Variants in TRPV2 observed in about 807,000 individuals in gnomAD.
TRPV2 encodes the protein OTRPC2.
A neutral mutation model predicts 91.0 loss-of-function variants in TRPV2; 58 were observed. That is an observed-to-expected ratio of 0.64 (90% confidence interval 0.52 to 0.79). The LOEUF is 0.79. TRPV2 is among the 30% of genes least tolerant of loss of function. The pLI, the probability that TRPV2 is intolerant of heterozygous loss-of-function variation, is 0.00. For synonymous variants in TRPV2, 417 were observed against 414.8 expected, an observed-to-expected ratio of 1.01 and a Z score of -0.06; for missense variants, 807 against 969.6, an observed-to-expected ratio of 0.83 and a Z score of 2.23.
rs1318296832 is a variant in TRPV2 at position 16,432,255 on chromosome 17, C to T, written c.1944C>T (p.Thr648=). ...TGCTCATCGCCCTCATGAGCGAGACCGTCAACAGTGTCGCCACTGACAGCT... is the reference window on the plus strand; with the variant it reads ...TGCTCATCGCCCTCATGAGCGAGACTGTCAACAGTGTCGCCACTGACAGCT... The part of the protein sequence containing the change: ...LNMLIALMSE[T]VNSVATDSWS... The change falls in exon 12 of 15, where the codon ACC becomes ACT. Residue 648 remains threonine, a synonymous_variant. Coordinates refer to ENST00000338560, the MANE Select transcript of TRPV2 (RefSeq NM_016113.5). 1.6e-5 allele frequency: 25 copies of T among 1,612,196 alleles called. No individual in the cohort carries two copies. The highest frequency in any genetic ancestry group is 1.6e-4 in the Middle Eastern group (1 of 6,078).
intron 7 of TRPV2, 86 bp from the exon 8 acceptor site, chr17:16,427,363 A>T (rs2093388213): frequency 4.0e-5 from 52 of 1,312,916 alleles, no homozygotes; most frequent in Non-Finnish European, 5.4e-5. Flanking sequence ...GCTCAGGCTC[A>T]GAGTAGGCCC....
At chr17:16,424,815 A>G (rs2093375335) in intron 5 of TRPV2, among the ~76,000 whole-genome samples, 5 of 151,378 alleles carry the variant, frequency 3.3e-5, no homozygotes, top group South Asian at 2.1e-4. Context: ...AAAAATTTTT[A>G]TAATCTGCAA....
At chr17:16,432,439 C>T (rs1186553432) in intron 12 of TRPV2, 139 bp downstream of exon 12, 8 of 535,144 alleles carry the variant, frequency 1.5e-5, no homozygotes, top group Admixed American at 3.6e-5. Context: ...CTTCCTCTTC[C>T]TTTTTTTTTT....
intron 10 of TRPV2, among the ~76,000 whole-genome samples, chr17:16,431,301 T>A (rs1478757302): frequency 0.029 from 3,501 of 120,660 alleles, 152 homozygotes; most frequent in Non-Finnish European, 0.036. Flanking sequence ...ATTTTTTTTT[T>A]TTTTTTTTTT....
Position 16,436,926 on chromosome 17 carries a change from G to A in TRPV2, c.*37G>A, listed in dbSNP as rs1412509166. 1 of 1,545,784 alleles carries A rather than the reference G, an allele frequency of 6.5e-7. No individual in the cohort carries two copies. The highest frequency in any genetic ancestry group is 8.9e-7 in the Non-Finnish European group (1 of 1,118,914). ...CAGCAGGAGGCCAGAGGACAGAGCA[G>A]AGGATCTTTCCAACCACATCTGCTG... On this transcript the variant is annotated 3_prime_UTR_variant, in exon 15 of 15. Transcript: ENST00000338560.
intron 5 of TRPV2, 106 bp downstream of exon 5, chr17:16,423,873 C>A: frequency 8.7e-7 from 1 of 1,153,486 alleles, no homozygotes; most frequent in South Asian, 1.8e-5. Flanking sequence ...AGTGGCTTCT[C>A]TGCTTTTCAA....
At position 16,428,217 on chromosome 17, in the gene TRPV2, CTT is replaced by C. The variant is rs569776550; in HGVS notation, c.1351-99_1351-98del. The C allele has an allele frequency of 4.9e-3, 5,386 of 1,102,152 alleles. 17 individuals are homozygous for C. The highest frequency in any genetic ancestry group is 6.0e-3 in the Non-Finnish European group (4,353 of 723,056). The allele number at this position is 1,102,152 out of a possible 1,614,324, so 68.3% of individuals were successfully genotyped here. Reference sequence around the variant, plus strand: ...AGTCCCCCAAAACCAAAGCTGCTGACTTAGCTCTAGCCTGGGTGGCAGGCTCC... The same window carrying C: ...AGTCCCCCAAAACCAAAGCTGCTGACAGCTCTAGCCTGGGTGGCAGGCTCC... On this transcript the variant is annotated intron_variant, in intron 8 of 14. Transcript: ENST00000338560.
At position 16,426,070 on chromosome 17, in the gene TRPV2, G is replaced by T. The variant is rs778850419; in HGVS notation, c.925-29G>T. The T allele has an allele frequency of 6.2e-7, 1 of 1,613,048 alleles. No homozygotes were observed. The highest frequency in any genetic ancestry group is 2.2e-5 in the East Asian group (1 of 44,862). ...AGGATCAGTGCCAGGAAGGGACCAT[G>T]AATGCAAGCTCATATGGCCACCCTG... On this transcript the variant is annotated intron_variant, in intron 5 of 14. Coordinates refer to ENST00000338560, the MANE Select transcript of TRPV2 (RefSeq NM_016113.5). This position sits in a 1 kb window ranked among gnomAD's most constrained non-coding sequence, Gnocchi z 6.0.
At chr17:16,429,217 T>C (rs1177134945) in intron 10 of TRPV2, among the ~76,000 whole-genome samples, 1 of 152,226 alleles carries the variant, frequency 6.6e-6, no homozygotes, top group Non-Finnish European at 1.5e-5. Context: ...CACGGGAGCA[T>C]GTGCATCCTT....
rs1434803893 is a variant in TRPV2 at position 16,427,504 on chromosome 17, A to G, written c.1307A>G (p.His436Arg). The change falls in exon 8 of 15, where the codon CAC becomes CGC. Residue 436 changes from histidine (H) to arginine (R), a missense_variant. Coordinates refer to ENST00000338560, the MANE Select transcript of TRPV2 (RefSeq NM_016113.5). ...EVGNSMLLTG[H>R]ILILLGGIYL... Reference sequence around the variant, plus strand: ...GGAAACTCCATGCTGCTGACGGGCCACATCCTTATCCTGCTAGGGGGGATC... The same window carrying G: ...GGAAACTCCATGCTGCTGACGGGCCGCATCCTTATCCTGCTAGGGGGGATC... The G allele has an allele frequency of 2.5e-6, 4 of 1,613,704 alleles. No individual in the cohort carries two copies. Among genetic ancestry groups the G allele is most frequent in the Non-Finnish European group, 3.4e-6 (4 of 1,179,804 alleles).
chr17:16,429,823 C>G (rs145805439), intron 10 of TRPV2, among the ~76,000 whole-genome samples: 2 of 137,012 alleles, frequency 1.5e-5, no homozygotes, highest in African/African-American at 5.4e-5. Flanking sequence ...TCCCCAGAGG[C>G]TTTTTTTTTT....
chr17:16,426,284 GCA>G lies in TRPV2; in HGVS notation c.1095+16_1095+17del, dbSNP rs1183999950. ...GCAAGAGCCCGGTGAGCCCACAGGA[GCA>G]TGGGTGCACGCAGAGGACCCAGCAG... On this transcript the variant is annotated intron_variant, in intron 6 of 14. Transcript: ENST00000338560. The surrounding 1 kb of genome is among the most constrained non-coding windows in gnomAD (Gnocchi z 6.0). 15 of 1,613,694 alleles carry G rather than the reference GCA, an allele frequency of 9.3e-6. No homozygotes were observed. The highest frequency in any genetic ancestry group is 1.3e-5 in the African/African-American group (1 of 74,922).
At chr17:16,430,142 G>C (rs143442575) in intron 10 of TRPV2, among the ~76,000 whole-genome samples, 350 of 152,230 alleles carry the variant, frequency 2.3e-3, no homozygotes, top group African/African-American at 8.1e-3. Flanking sequence ...TGGGATTACA[G>C]GCATGAGCTA....
At chr17:16,423,319 A>T in intron 4 of TRPV2, 150 bp from the exon 5 acceptor site, 1 of 860,970 alleles carries the variant, frequency 1.2e-6, no homozygotes, top group East Asian at 2.7e-5. Flanking sequence ...AGCAAAAGGC[A>T]GCAGGTTGGC....
chr17:16,432,504 G>C (rs964465709), intron 12 of TRPV2, among the ~76,000 whole-genome samples: 1 of 148,328 alleles, frequency 6.7e-6, no homozygotes, highest in Non-Finnish European at 1.5e-5. Context: ...GCAGTGGCAC[G>C]ATCACAGCTC....
rs763539007 is a variant in TRPV2, at chr17:16,422,843, C to T, written c.579C>T (p.Ala193=). Residue 193 remains alanine, a synonymous_variant, in exon 4 of 15, where the codon GCC becomes GCT. Coordinates refer to ENST00000338560, the MANE Select transcript of TRPV2 (RefSeq NM_016113.5). The part of the protein sequence containing the change: ...VENGANVHAR[A]CGRFFQKGQG... ...ATGGGGCCAATGTGCATGCCCGGGCCTGCGGCCGCTTCTTCCAGAAGGGCC... is the reference window on the plus strand; with the variant it reads ...ATGGGGCCAATGTGCATGCCCGGGCTTGCGGCCGCTTCTTCCAGAAGGGCC... 1.3e-5 allele frequency: 20 copies of T among 1,571,920 alleles called. No homozygotes were observed. The highest frequency in any genetic ancestry group is 3.7e-5 in the Admixed American group (2 of 54,724).
intron 10 of TRPV2, among the ~76,000 whole-genome samples, chr17:16,429,359 C>T (rs563573435): frequency 6.6e-6 from 1 of 152,302 alleles, no homozygotes; most frequent in East Asian, 1.9e-4. Context: ...TACTGTGGGC[C>T]GGGCCCTGTT....
At chr17:16,431,430 A>G (rs1006076119) in intron 10 of TRPV2, among the ~76,000 whole-genome samples, 5 of 150,022 alleles carry the variant, frequency 3.3e-5, no homozygotes. Context: ...AGTAGCTGGG[A>G]TTACAAGCAC....
rs138582403 is a variant in TRPV2 at position 16,417,587 on chromosome 17, G to A, written c.-82G>A. On this transcript the variant is annotated 5_prime_UTR_variant, in exon 2 of 15. Transcript: ENST00000338560. ...GCTCCAGTCAGGCCAACACCGACGC[G>A]CAGCTGGGAGGAAGACAGGACCCTT... is the stretch of plus-strand genomic sequence containing the variant. The A allele has an allele frequency of 3.3e-4, 495 of 1,483,940 alleles. 2 individuals are homozygous for A. The African/African-American group carries it at 5.8e-3, about 17-fold the overall frequency. The allele number at this position is 1,483,940 out of a possible 1,614,324, so 91.9% of individuals were successfully genotyped here.
Sources: allele counts gnomAD v4.1 joint callset (sites outside exome capture counted in the v4.1 genomes callset), GRCh38; gene constraint gnomAD v4.1.1; non-coding constraint Gnocchi (gnomAD v3.1); transcripts MANE v1.5; gene names NCBI Gene and HGNC (gene_info 2026-07-23, HGNC 2026-07-21).